Variants in TRPS1 observed in about 807,000 individuals in gnomAD.
TRPS1 encodes the protein zinc finger transcription factor Trps1.
Under a neutral mutation model 101.2 loss-of-function variants are expected in TRPS1, and 6 were observed. The observed-to-expected ratio is 0.06, with a 90% CI of 0.03 to 0.12. The LOEUF is 0.12. TRPS1 is among the 10% of genes least tolerant of loss of function. TRPS1 has a pLI of 1.00. For synonymous variants in TRPS1, 578 were observed against 589.8 expected (o/e 0.98, Z 0.29); for missense variants, 1,363 against 1,567.0 (o/e 0.87, Z 2.20).
chr8:115,515,674 ATATT>A (rs1815693187), intron 5 of TRPS1, among the ~76,000 whole-genome samples: 1 of 151,562 alleles, frequency 6.6e-6, no homozygotes, highest in Admixed American at 6.6e-5. Context: ...TTGTGGTTTA[ATATT>A]TATTAAAGTA....
intron 5 of TRPS1, 132 bp downstream of exon 5, chr8:115,586,869 G>T (rs1817570111): frequency 6.6e-7 from 1 of 1,523,830 alleles, no homozygotes; most frequent in Non-Finnish European, 8.9e-7. Context: ...GGCCTTAGGA[G>T]TATAAATCCC....
At chr8:115,596,871 TA>T (rs1817799927) in intron 4 of TRPS1, among the ~76,000 whole-genome samples, 2 of 151,890 alleles carry the variant, frequency 1.3e-5, no homozygotes, top group Non-Finnish European at 3.0e-5. Flanking sequence ...CTTTTGAATT[TA>T]TATAAAACAC....
chr8:115,453,467 G>A (rs936430266), intron 5 of TRPS1, among the ~76,000 whole-genome samples: 4 of 152,222 alleles, frequency 2.6e-5, no homozygotes, highest in African/African-American at 9.6e-5. Context: ...ATTTGCACGA[G>A]TGTGTACATG....
chr8:115,628,787 T>C (rs888210858), intron 1 of TRPS1, among the ~76,000 whole-genome samples: 1 of 151,800 alleles, frequency 6.6e-6, no homozygotes, highest in Non-Finnish European at 1.5e-5. Flanking sequence ...TAAGCATAGA[T>C]GACAAGAAAC....
intron 5 of TRPS1, among the ~76,000 whole-genome samples, chr8:115,567,937 T>C (rs571922769): frequency 6.6e-6 from 1 of 152,264 alleles, no homozygotes; most frequent in African/African-American, 2.4e-5. Context: ...GAGGCTATGG[T>C]TTCAACACCT....
chr8:115,554,750 C>G (rs1816778689), intron 5 of TRPS1, among the ~76,000 whole-genome samples: 2 of 152,034 alleles, frequency 1.3e-5, no homozygotes, highest in African/African-American at 4.8e-5. Context: ...AGAGATAAGG[C>G]TTCCAAACAG....
At chr8:115,658,520 GAAAAA>G (rs1563675192) in intron 1 of TRPS1, among the ~76,000 whole-genome samples, 2 of 151,988 alleles carry the variant, frequency 1.3e-5, no homozygotes, top group Non-Finnish European at 2.9e-5. Flanking sequence ...CTGAAAATGG[GAAAAA>G]TTAAAAGGAG....
chr8:115,527,752 C>T (rs1586366573), intron 5 of TRPS1, among the ~76,000 whole-genome samples: 1 of 151,990 alleles, frequency 6.6e-6, no homozygotes, highest in African/African-American at 2.4e-5. Flanking sequence ...CCCAAATGCT[C>T]AGGATAATTG....
chr8:115,657,506 C>T (rs1209982496), intron 1 of TRPS1, among the ~76,000 whole-genome samples: 1 of 152,024 alleles, frequency 6.6e-6, no homozygotes, highest in African/African-American at 2.4e-5. Flanking sequence ...TACTGTAGAC[C>T]TCAAAGAGTT....
chr8:115,590,080 G>A (rs1337140014), intron 4 of TRPS1, among the ~76,000 whole-genome samples: 2 of 152,084 alleles, frequency 1.3e-5, no homozygotes, highest in Non-Finnish European at 2.9e-5. Flanking sequence ...TCACGACACT[G>A]TGCTCCAACC....
chr8:115,664,725 A>G (rs139431340), intron 1 of TRPS1, among the ~76,000 whole-genome samples: 382 of 152,244 alleles, frequency 2.5e-3, no homozygotes, highest in African/African-American at 8.7e-3. Flanking sequence ...TTTTTATCAA[A>G]TTGATTGTAA....
At chr8:115,515,018 A>T (rs1481763049) in intron 5 of TRPS1, among the ~76,000 whole-genome samples, 2 of 151,710 alleles carry the variant, frequency 1.3e-5, no homozygotes, top group Non-Finnish European at 1.5e-5. Flanking sequence ...AGAGATGATC[A>T]AGTACATACT....
At chr8:115,535,564 T>TAA (rs1563583845) in intron 5 of TRPS1, among the ~76,000 whole-genome samples, 1 of 149,688 alleles carries the variant, frequency 6.7e-6, no homozygotes, top group African/African-American at 2.4e-5. Context: ...TATATATATA[T>TAA]AATTAGTATT....
chr8:115,552,509 A>G (rs374210883), intron 5 of TRPS1, among the ~76,000 whole-genome samples: 1 of 152,224 alleles, frequency 6.6e-6, no homozygotes, highest in Non-Finnish European at 1.5e-5. Context: ...TCAAATGCAT[A>G]TTAAACTAAG....
intron 5 of TRPS1, among the ~76,000 whole-genome samples, chr8:115,454,409 G>A (rs1813962665): frequency 6.6e-6 from 1 of 152,136 alleles, no homozygotes; most frequent in Admixed American, 6.5e-5. Context: ...GCTCCACTAT[G>A]TATAAGTTGT....
At chr8:115,639,673 A>AC in intron 1 of TRPS1, among the ~76,000 whole-genome samples, 2 of 151,616 alleles carry the variant, frequency 1.3e-5, no homozygotes, top group South Asian at 4.2e-4. Flanking sequence ...TACAAAAAAA[A>AC]AAAAAATTAA....
intron 3 of TRPS1, among the ~76,000 whole-genome samples, chr8:115,607,269 C>G (rs144489009): frequency 2.0e-5 from 3 of 152,142 alleles, no homozygotes; most frequent in African/African-American, 7.2e-5. Flanking sequence ...CCTAAGAAGT[C>G]AGAAAACCCA....
chr8:115,609,943 T>C (rs559670671), intron 3 of TRPS1, among the ~76,000 whole-genome samples: 2 of 152,366 alleles, frequency 1.3e-5, no homozygotes, highest in African/African-American at 4.8e-5. Flanking sequence ...TCTCAGTTTC[T>C]TTCTTTCCTC....
At chr8:115,471,517 A>G (rs1814468610) in intron 5 of TRPS1, among the ~76,000 whole-genome samples, 1 of 152,172 alleles carries the variant, frequency 6.6e-6, no homozygotes, top group Non-Finnish European at 1.5e-5. Flanking sequence ...GGGCAGGGAT[A>G]TAGCCATACC....
Sources: allele counts gnomAD v4.1 joint callset (sites outside exome capture counted in the v4.1 genomes callset), GRCh38; gene constraint gnomAD v4.1.1; transcripts MANE v1.5; gene names NCBI Gene and HGNC (gene_info 2026-07-23, HGNC 2026-07-21).